TMPRSS4: variants seen among roughly 807,000 people sequenced by gnomAD.
TMPRSS4 encodes the protein transmembrane protease serine 4.
In TMPRSS4, 45 loss-of-function variants were observed where a neutral mutation model predicts 56.4. That is an observed-to-expected ratio of 0.80 (90% confidence interval 0.63 to 1.02). The LOEUF (loss-of-function observed/expected upper bound fraction) is 1.02. Among genes scored for constraint, TMPRSS4 ranks in the 50% least tolerant of loss-of-function variants. TMPRSS4 has a pLI of 0.00. For missense variants in TMPRSS4, 546 were observed against 556.7 expected (o/e 0.98, Z 0.19); for synonymous variants, 205 against 211.0 (o/e 0.97, Z 0.25).
At chr11:118,081,751 GCATT>G (rs112018141) in intron 1 of TMPRSS4, among the ~76,000 whole-genome samples, 1 of 152,028 alleles carries the variant, frequency 6.6e-6, no homozygotes, top group Non-Finnish European at 1.5e-5. Flanking sequence ...AAATCTGTAT[GCATT>G]CATTCATTCA....
At chr11:118,088,682 C>A (rs1217007544) in intron 1 of TMPRSS4, among the ~76,000 whole-genome samples, 1 of 152,212 alleles carries the variant, frequency 6.6e-6, no homozygotes, top group East Asian at 1.9e-4. Flanking sequence ...GCCAGTGGCC[C>A]AAACAGAAAG....
chr11:118,107,831 A>C lies in TMPRSS4; in HGVS notation c.498A>C (p.Glu166Asp), dbSNP rs1475718547. ...IGPDQDLDVV[E>D]ITENSQELRM... Reference sequence around the variant, plus strand: ...CAGACCAGGATCTGGATGTTGTTGAAATCACAGAAAACAGCCAGGAGCTTC... The same window carrying C: ...CAGACCAGGATCTGGATGTTGTTGACATCACAGAAAACAGCCAGGAGCTTC... The change falls in exon 6 of 13, where the codon GAA (glutamate) becomes GAC (aspartate). Residue 166 changes from glutamate (E) to aspartate (D), a missense_variant. Physicochemically the swap from Glu to Asp is conservative, Grantham distance 45 (BLOSUM62 2). Transcript: ENST00000437212. 6.2e-7 allele frequency: 1 copy of C among 1,614,192 alleles called. No individual in the cohort carries two copies. Among genetic ancestry groups the C allele is most frequent in the African/African-American group, 1.3e-5 (1 of 75,056 alleles).
chr11:118,097,575 A>T (rs1418067503), intron 2 of TMPRSS4, among the ~76,000 whole-genome samples: 1 of 152,170 alleles, frequency 6.6e-6, no homozygotes, highest in Admixed American at 6.5e-5. Flanking sequence ...ACTTAAAAGA[A>T]TGTATCTCTG....
Position 118,115,220 on chromosome 11 carries a change from G to A in TMPRSS4, c.1092G>A (p.Gly364=). The A allele has an allele frequency of 6.2e-7, 1 of 1,612,996 alleles. No individual in the cohort carries two copies. Among genetic ancestry groups the A allele is most frequent in the East Asian group, 2.2e-5 (1 of 44,880 alleles). The part of the protein sequence containing the change: ...TRCNADDAYQ[G]EVTEKMMCAG... ...GCAATGCAGACGATGCGTACCAGGGGGAAGTCACCGAGAAGATGATGTGTG... is the reference window on the plus strand; with the variant it reads ...GCAATGCAGACGATGCGTACCAGGGAGAAGTCACCGAGAAGATGATGTGTG... Residue 364 remains glycine, a synonymous_variant, in exon 11 of 13, where the codon GGG becomes GGA. Coordinates refer to ENST00000437212, the MANE Select transcript of TMPRSS4 (RefSeq NM_019894.4).
chr11:118,115,423 G>C, intron 11 of TMPRSS4, 143 bp downstream of exon 11: 1 of 1,023,614 alleles, frequency 9.8e-7, no homozygotes, highest in South Asian at 1.7e-5. Context: ...AAGAGAGGGA[G>C]GGAAGGAAAG....
chr11:118,099,344 C>T (rs1218527122), intron 3 of TMPRSS4, among the ~76,000 whole-genome samples: 1 of 151,428 alleles, frequency 6.6e-6, no homozygotes, highest in Non-Finnish European at 1.5e-5. Context: ...GCCCCCACCC[C>T]CACAGTCAGG....
At position 118,084,075 on chromosome 11, in the gene TMPRSS4, G is replaced by A. The variant is rs1591341563; in HGVS notation, c.3+6770G>A. On this transcript the variant is annotated intron_variant, in intron 1 of 12. Coordinates refer to ENST00000437212, the MANE Select transcript of TMPRSS4 (RefSeq NM_019894.4). ...AAAAAACAATTATCGTACTCTTACC[G>A]TGCACCAGGCAATGTACTATATGCT... Among the ~76,000 whole-genome samples, 6 of 152,088 alleles carry A rather than the reference G, an allele frequency of 3.9e-5. No homozygotes were observed. In the South Asian group the frequency reaches 6.2e-4, roughly 16 times the overall value.
intron 1 of TMPRSS4, among the ~76,000 whole-genome samples, chr11:118,079,143 G>A (rs962595465): frequency 2.6e-5 from 4 of 152,072 alleles, no homozygotes; most frequent in Admixed American, 1.3e-4. Context: ...CAATCTCCAC[G>A]GTGTGGTCAA....
At chr11:118,104,998 G>A (rs1946918910) in intron 5 of TMPRSS4, among the ~76,000 whole-genome samples, 178 bp downstream of exon 5, 1 of 152,102 alleles carries the variant, frequency 6.6e-6, no homozygotes, top group East Asian at 1.9e-4. Flanking sequence ...CTAAGCCTCA[G>A]GTTCCTCAGG....
chr11:118,113,472 C>CATCAGT, intron 9 of TMPRSS4, 37 bp downstream of exon 9: 1 of 1,604,616 alleles, frequency 6.2e-7, no homozygotes, highest in Non-Finnish European at 8.5e-7. Flanking sequence ...AAGCCTCTTA[C>CATCAGT]ATCAGTTTTC....
chr11:118,110,880 T>G (rs1947242073), intron 7 of TMPRSS4, among the ~76,000 whole-genome samples: 1 of 152,136 alleles, frequency 6.6e-6, no homozygotes, highest in Admixed American at 6.5e-5. Flanking sequence ...TCTTTTTGGA[T>G]CAAAAACAGA....
chr11:118,092,152 G>A (rs1946015221), intron 1 of TMPRSS4, among the ~76,000 whole-genome samples: 1 of 152,216 alleles, frequency 6.6e-6, no homozygotes, highest in Non-Finnish European at 1.5e-5. Context: ...ATAAACACCT[G>A]TACCAAATGC....
chr11:118,124,808 A>T (rs1164532585), downstream of TMPRSS4, among the ~76,000 whole-genome samples: 1 of 152,220 alleles, frequency 6.6e-6, no homozygotes, highest in Non-Finnish European at 1.5e-5. Context: ...ACTACATACT[A>T]GTCCAAGAAG....
chr11:118,124,342 G>A (rs1252728543), downstream of TMPRSS4, among the ~76,000 whole-genome samples: 3 of 152,026 alleles, frequency 2.0e-5, no homozygotes, highest in Non-Finnish European at 4.4e-5. Flanking sequence ...CTGAGATGGC[G>A]CCGCTGCACT....
At chr11:118,116,625 A>G (rs1947564522) in intron 11 of TMPRSS4, among the ~76,000 whole-genome samples, 1 of 151,338 alleles carries the variant, frequency 6.6e-6, no homozygotes. Flanking sequence ...TTGGATCCCA[A>G]TTGCTTAGAA....
intron 4 of TMPRSS4, 50 bp from the exon 5 acceptor site, chr11:118,104,641 G>A: frequency 6.2e-7 from 1 of 1,613,160 alleles, no homozygotes; most frequent in Non-Finnish European, 8.5e-7. Flanking sequence ...TGAGGGGGAT[G>A]GGCCAGTTGG....
chr11:118,111,645 G>T, intron 7 of TMPRSS4, 96 bp from the exon 8 acceptor site: 1 of 991,792 alleles, frequency 1.0e-6, no homozygotes. Context: ...CAGCCATAAG[G>T]GCCCTGCTTA....
At chr11:118,115,791 C>T (rs1438272261) in intron 11 of TMPRSS4, among the ~76,000 whole-genome samples, 2 of 152,168 alleles carry the variant, frequency 1.3e-5, no homozygotes, top group Non-Finnish European at 1.5e-5. Context: ...CCACTGCACT[C>T]CAGCCTGGGT....
intron 2 of TMPRSS4, 63 bp downstream of exon 2, chr11:118,094,918 T>C: frequency 6.3e-7 from 1 of 1,581,084 alleles, no homozygotes; most frequent in Non-Finnish European, 8.6e-7. Context: ...ACCAAGTAGA[T>C]CCTAAGCCAC....
Sources: allele counts gnomAD v4.1 joint callset (sites outside exome capture counted in the v4.1 genomes callset), GRCh38; gene constraint gnomAD v4.1.1; transcripts MANE v1.5; gene names NCBI Gene and HGNC (gene_info 2026-07-23, HGNC 2026-07-21).